PCDH11X: variants seen among roughly 807,000 people sequenced by gnomAD.
PCDH11X encodes the protein protocadherin-11 X-linked.
In PCDH11X, 18 loss-of-function variants were observed where a neutral mutation model predicts 53.3. The ratio of observed to expected loss-of-function variants is 0.34; its 90% CI spans 0.23 to 0.50. The LOEUF is 0.50. Among genes scored for constraint, PCDH11X ranks in the 20% least tolerant of loss-of-function variants. The pLI is 0.98. For synonymous variants in PCDH11X, 279 were observed against 393.3 expected (o/e 0.71, Z 3.44); for missense variants, 570 against 1,032.4 (o/e 0.55, Z 6.14).
intron 6 of PCDH11X, among the ~76,000 whole-genome samples, chrX:92,082,154 C>T (rs896892206): frequency 9.0e-6 from 1 of 110,619 alleles, no homozygotes; most frequent in African/African-American, 3.3e-5. Context: ...AACTCTTATG[C>T]ACTTAAGGAG....
At chrX:91,942,131 C>A (rs1407149156) in intron 6 of PCDH11X, among the ~76,000 whole-genome samples, 2 of 109,390 alleles carry the variant, frequency 1.8e-5, no homozygotes, top group South Asian at 7.8e-4. Context: ...AATCAAGGAC[C>A]TCAGGCTTAA....
At chrX:91,849,321 G>A (rs901263636) in intron 5 of PCDH11X, among the ~76,000 whole-genome samples, 1 of 109,438 alleles carries the variant, frequency 9.1e-6, no homozygotes, top group Non-Finnish European at 1.9e-5. Context: ...TACATGTGCA[G>A]GTTTGTTATA....
At chrX:92,062,340 T>A (rs1203195599) in intron 6 of PCDH11X, among the ~76,000 whole-genome samples, 2 of 111,425 alleles carry the variant, frequency 1.8e-5, no homozygotes, top group African/African-American at 6.5e-5. Context: ...TGATTTTTAT[T>A]CCTAGGACTT....
chrX:92,591,215 G>C (rs1569508123), intron 10 of PCDH11X, among the ~76,000 whole-genome samples: 1 of 110,373 alleles, frequency 9.1e-6, no homozygotes, highest in Non-Finnish European at 1.9e-5. Context: ...TGTGACTATA[G>C]TGCAGTGAGC....
intron 8 of PCDH11X, among the ~76,000 whole-genome samples, chrX:92,268,111 T>C (rs913300344): frequency 2.7e-5 from 3 of 112,138 alleles, no homozygotes; most frequent in Non-Finnish European, 3.8e-5. Flanking sequence ...ATTCTAATGG[T>C]ATATTTCTGA....
intron 9 of PCDH11X, among the ~76,000 whole-genome samples, chrX:92,431,849 TAAAC>T (rs778432712): frequency 6.4e-5 from 7 of 110,029 alleles, no homozygotes; most frequent in Admixed American, 9.7e-5. Flanking sequence ...GTTAAAATCT[TAAAC>T]AAATTTTAAA....
chrX:92,460,890 C>T (rs1220149226), intron 9 of PCDH11X: 3 of 1,028,563 alleles, frequency 2.9e-6, no homozygotes, highest in African/African-American at 1.9e-5. Context: ...GACCACCACC[C>T]GCCGGAAAGT....
chrX:91,969,369 T>C (rs1282283605), intron 6 of PCDH11X, among the ~76,000 whole-genome samples: 1 of 106,757 alleles, frequency 9.4e-6, no homozygotes, highest in East Asian at 3.0e-4. Context: ...GCTCACTTTA[T>C]GTGGATTACT....
At chrX:92,605,340 A>T (rs1405967078) in intron 10 of PCDH11X, among the ~76,000 whole-genome samples, 1 of 111,526 alleles carries the variant, frequency 9.0e-6, no homozygotes, top group Non-Finnish European at 1.9e-5. Context: ...AAACAACAAG[A>T]GAAATTCCAA....
chrX:91,966,369 T>A (rs1193983374), intron 6 of PCDH11X, among the ~76,000 whole-genome samples: 2 of 110,517 alleles, frequency 1.8e-5, no homozygotes, highest in Non-Finnish European at 3.8e-5. Context: ...TTCAGAATAC[T>A]ATTTCCTAGA....
At chrX:92,117,361 G>A (rs1334462705) in intron 6 of PCDH11X, among the ~76,000 whole-genome samples, 2 of 109,418 alleles carry the variant, frequency 1.8e-5, no homozygotes, top group African/African-American at 6.7e-5. Context: ...ACTTGAACCT[G>A]GGGGTGGGGA....
intron 6 of PCDH11X, among the ~76,000 whole-genome samples, chrX:92,093,284 A>G (rs776440532): frequency 1.0e-3 from 115 of 111,795 alleles, no homozygotes; most frequent in African/African-American, 3.2e-3. Flanking sequence ...CTGAAAAGTG[A>G]GAAGAGGAAT....
At chrX:92,351,432 A>G (rs1214733975) in intron 8 of PCDH11X, among the ~76,000 whole-genome samples, 1 of 111,720 alleles carries the variant, frequency 9.0e-6, no homozygotes, top group East Asian at 2.8e-4. Context: ...GGGTACATAT[A>G]GTAAGTTTTC....
At chrX:92,031,932 A>G (rs1186399539) in intron 6 of PCDH11X, among the ~76,000 whole-genome samples, 4 of 111,544 alleles carry the variant, frequency 3.6e-5, no homozygotes, top group Non-Finnish European at 5.7e-5. Flanking sequence ...CTCCGGTTTT[A>G]TTCTTTTTTC....
chrX:91,936,730 T>A (rs1206213457), intron 6 of PCDH11X, among the ~76,000 whole-genome samples: 3 of 107,068 alleles, frequency 2.8e-5, no homozygotes, highest in African/African-American at 3.3e-5. Context: ...AATATTTATA[T>A]GATTTTAGCA....
At chrX:92,303,876 A>G (rs2068772220) in intron 8 of PCDH11X, among the ~76,000 whole-genome samples, 2 of 110,118 alleles carry the variant, frequency 1.8e-5, no homozygotes, top group East Asian at 2.9e-4. Context: ...ATCATACCTC[A>G]CAAGATAAAC....
At chrX:92,094,504 T>G (rs1181602134) in intron 6 of PCDH11X, among the ~76,000 whole-genome samples, 1 of 111,256 alleles carries the variant, frequency 9.0e-6, no homozygotes, top group Non-Finnish European at 1.9e-5. Flanking sequence ...CAGGTATATA[T>G]GAGGACAAGC....
Position 92,621,847 on chromosome X carries a change from G to GACTT in PCDH11X, c.*2909_*2912dup, listed in dbSNP as rs1462928202. The GACTT allele has an allele frequency of 9.0e-6, 1 of 111,314 alleles. No homozygotes were observed. The highest frequency in any genetic ancestry group is 1.9e-5 in the Non-Finnish European group (1 of 53,123). 9.2% of individuals were successfully genotyped at this position (111,314 alleles called of 1,213,427 possible). On this transcript the variant is annotated 3_prime_UTR_variant, in exon 11 of 11. Transcript: ENST00000682573. ...TTGAAATTAAAACTTCAAGCTGAAT[G>GACTT]ACTTATATGAGAATAATACGTTCAA...
intron 10 of PCDH11X, among the ~76,000 whole-genome samples, chrX:92,499,981 AT>A (rs1263011366): frequency 1.7e-4 from 19 of 110,080 alleles, no homozygotes; most frequent in African/African-American, 5.6e-4. Flanking sequence ...GTAAATATGT[AT>A]TTTTTTTTCA....
Sources: gnomAD v4.1 joint callset for allele counts (sites outside exome capture counted in the v4.1 genomes callset) on GRCh38, gnomAD v4.1.1 for gene constraint, MANE v1.5 for transcripts, NCBI Gene and HGNC (gene_info 2026-07-23, HGNC 2026-07-21) for gene names.